Variants in CSNK1G1 observed in about 807,000 individuals in gnomAD.
The protein encoded by CSNK1G1 is casein kinase I isoform gamma-1.
In CSNK1G1, 22 loss-of-function variants were observed where a neutral mutation model predicts 59.6. The ratio of observed to expected loss-of-function variants is 0.37; its 90% CI spans 0.26 to 0.53. The LOEUF (loss-of-function observed/expected upper bound fraction) is 0.53. Among genes scored for constraint, CSNK1G1 ranks in the 20% least tolerant of loss-of-function variants. CSNK1G1 has a pLI of 0.89. For missense variants in CSNK1G1, 384 were observed against 519.5 expected, an observed-to-expected ratio of 0.74 and a Z score of 2.54; for synonymous variants, 179 against 177.1, an observed-to-expected ratio of 1.01 and a Z score of -0.08.
chr15:64,223,136 G>T (rs1190255357), intron 4 of CSNK1G1, among the ~76,000 whole-genome samples: 1 of 152,052 alleles, frequency 6.6e-6, no homozygotes, highest in Non-Finnish European at 1.5e-5. Context: ...GGTCTGTGCT[G>T]GTGGTAAAAG....
intron 1 of CSNK1G1, among the ~76,000 whole-genome samples, chr15:64,319,614 C>T (rs560091381): frequency 2.0e-5 from 3 of 152,088 alleles, no homozygotes; most frequent in African/African-American, 7.2e-5. Context: ...GGCACGATCT[C>T]GCTCACTGCA....
chr15:64,234,039 C>T (rs2082582911), intron 4 of CSNK1G1, among the ~76,000 whole-genome samples: 1 of 152,162 alleles, frequency 6.6e-6, no homozygotes, highest in Non-Finnish European at 1.5e-5. Context: ...GATGACCACA[C>T]CACACTTTTC....
At chr15:64,259,307 T>C in intron 2 of CSNK1G1, 66 bp from the exon 3 acceptor site, 1 of 1,138,998 alleles carries the variant, frequency 8.8e-7, no homozygotes. Flanking sequence ...AGCAAAATAT[T>C]AGCTTACAGG....
chr15:64,292,951 CATCT>C (rs1004782502), intron 2 of CSNK1G1, among the ~76,000 whole-genome samples: 2 of 150,146 alleles, frequency 1.3e-5, no homozygotes, highest in Non-Finnish European at 3.0e-5. Context: ...AAATAAATAT[CATCT>C]ATCTACTTAT....
At chr15:64,343,171 C>T (rs1897763026) in intron 1 of CSNK1G1, among the ~76,000 whole-genome samples, 1 of 114,002 alleles carries the variant, frequency 8.8e-6, no homozygotes, top group East Asian at 3.1e-4. Context: ...GAGATCGTGC[C>T]ATTGCACTCC....
At chr15:64,339,798 G>A (rs1034015046) in intron 1 of CSNK1G1, among the ~76,000 whole-genome samples, 8 of 152,206 alleles carry the variant, frequency 5.3e-5, no homozygotes, top group African/African-American at 1.9e-4. Flanking sequence ...ATTAAATCAA[G>A]AGGAGTGACT....
chr15:64,194,548 G>A (rs1314250649), intron 10 of CSNK1G1, among the ~76,000 whole-genome samples: 4 of 69,846 alleles, frequency 5.7e-5, no homozygotes, highest in Non-Finnish European at 1.1e-4. Context: ...ACAGAGTTTT[G>A]CTCTTATTGC....
intron 1 of CSNK1G1, among the ~76,000 whole-genome samples, chr15:64,326,639 G>A (rs1896851136): frequency 1.3e-5 from 2 of 150,310 alleles, no homozygotes; most frequent in Admixed American, 1.3e-4. Flanking sequence ...GCGAAACTCT[G>A]TATCAAAAAA....
Position 64,312,260 on chromosome 15 carries a change from C to G in CSNK1G1, c.-224-11537G>C, listed in dbSNP as rs149856803. ...CAGAATTGGAAAAAACTACTTTAAA[C>G]TTCATATGGAACCAAAAAAAGAGCC... On this transcript the variant is annotated intron_variant, in intron 1 of 11. Coordinates refer to ENST00000303052, the MANE Select transcript of CSNK1G1 (RefSeq NM_022048.5). Among the ~76,000 whole-genome samples, 13 of 152,198 alleles carry G rather than the reference C, an allele frequency of 8.5e-5. No individual in the cohort carries two copies. In the East Asian group the frequency reaches 1.2e-3, roughly 14 times the overall value.
At position 64,188,902 on chromosome 15, in the gene CSNK1G1, C is replaced by T. The variant is rs1166626376; in HGVS notation, c.1108-8448G>A. Among the ~76,000 whole-genome samples the T allele has an allele frequency of 2.0e-5, 3 of 152,102 alleles. No individual in the cohort carries two copies. The highest frequency in any genetic ancestry group is 2.1e-4 in the South Asian group (1 of 4,830). On this transcript the variant is annotated intron_variant, in intron 10 of 11. Transcript: ENST00000303052. The surrounding 1 kb of genome is among the most constrained non-coding windows in gnomAD (Gnocchi z 4.2). ...CAGCACTTTGGGAGGCCAAGGTGGG[C>T]GGATCACGAGGTCTGGAGTTCGAGA... is the stretch of plus-strand genomic sequence containing the variant.
intron 1 of CSNK1G1, among the ~76,000 whole-genome samples, chr15:64,354,538 A>T (rs1898528414): frequency 6.6e-6 from 1 of 152,188 alleles, no homozygotes; most frequent in African/African-American, 2.4e-5. Context: ...ATTTTAAGAA[A>T]CTACTGATAA....
At position 64,229,939 on chromosome 15, in the gene CSNK1G1, T is replaced by TTTTTTTTTTTTA. The variant is rs768405168; in HGVS notation, c.293-13227_293-13226insTAAAAAAAAAAA. ...TTTTTTTTTTTTTTTTTTTTTTTTT[T>TTTTTTTTTTTTA]AAGACAGAATCTCACTCTGTCGCCC... is the stretch of plus-strand genomic sequence containing the variant. On this transcript the variant is annotated intron_variant, in intron 4 of 11. Transcript: ENST00000303052. Among the ~76,000 whole-genome samples, 15 of 121,540 alleles carry TTTTTTTTTTTTA rather than the reference T, an allele frequency of 1.2e-4. 2 individuals carry two copies. The highest frequency in any genetic ancestry group is 2.0e-4 in the Non-Finnish European group (12 of 59,182). The allele number at this position is 121,540 out of a possible 152,430, so 79.7% of individuals were successfully genotyped here.
At chr15:64,202,201 T>C (rs374077081) in intron 10 of CSNK1G1, among the ~76,000 whole-genome samples, 28 of 152,246 alleles carry the variant, frequency 1.8e-4, no homozygotes, top group African/African-American at 6.3e-4. Flanking sequence ...ACCAGCTCTA[T>C]AATTTGCCCG....
At chr15:64,324,704 T>TCC (rs1398734117) in intron 1 of CSNK1G1, among the ~76,000 whole-genome samples, 1 of 152,160 alleles carries the variant, frequency 6.6e-6, no homozygotes, top group Non-Finnish European at 1.5e-5. Flanking sequence ...CTTAATGAAC[T>TCC]CCCCTTCATA....
intron 8 of CSNK1G1, 122 bp downstream of exon 8, chr15:64,204,743 G>T (rs1283703718): frequency 1.8e-6 from 2 of 1,127,346 alleles, no homozygotes; most frequent in Non-Finnish European, 2.6e-6. Flanking sequence ...AACCTACTTT[G>T]GTCTGTATCA....
At chr15:64,272,803 C>T (rs1002707290) in intron 2 of CSNK1G1, among the ~76,000 whole-genome samples, 5 of 151,944 alleles carry the variant, frequency 3.3e-5, no homozygotes, top group East Asian at 1.9e-4. Context: ...TGGAGTGCAG[C>T]GGTGCAATCA....
chr15:64,322,250 AT>A (rs1053183909), intron 1 of CSNK1G1, among the ~76,000 whole-genome samples: 4 of 152,082 alleles, frequency 2.6e-5, no homozygotes, highest in African/African-American at 9.7e-5. Flanking sequence ...CAATTTGGTT[AT>A]TTCTCCTAAA....
intron 4 of CSNK1G1, among the ~76,000 whole-genome samples, chr15:64,224,395 G>A (rs1004682066): frequency 6.6e-6 from 1 of 152,076 alleles, no homozygotes; most frequent in East Asian, 1.9e-4. Context: ...GCAGATAAAT[G>A]AGATGTTATT....
chr15:64,179,166 A>G (rs925873856), intron 11 of CSNK1G1, among the ~76,000 whole-genome samples: 15 of 140,910 alleles, frequency 1.1e-4, no homozygotes, highest in Admixed American at 9.7e-4. Context: ...GGATCACTTG[A>G]GCTTGGGGAA....
Sources: gnomAD v4.1 joint callset for allele counts (sites outside exome capture counted in the v4.1 genomes callset) on GRCh38, gnomAD v4.1.1 for gene constraint, Gnocchi (gnomAD v3.1) non-coding constraint, MANE v1.5 for transcripts, NCBI Gene and HGNC (gene_info 2026-07-23, HGNC 2026-07-21) for gene names.